The following CDH12 variants were observed in gnomAD, a reference collection of about 807,000 sequenced individuals.
CDH12 encodes the protein cadherin 12.
Under a neutral mutation model 74.1 loss-of-function variants are expected in CDH12, and 41 were observed. That is an observed-to-expected ratio of 0.55 (90% CI 0.43 to 0.72). CDH12 has a LOEUF of 0.72. CDH12 is among the 30% of genes least tolerant of loss of function. The pLI is 0.00. For missense variants in CDH12, 945 were observed against 977.2 expected (o/e 0.97, Z 0.44); for synonymous variants, 399 against 355.0 (o/e 1.12, Z -1.39).
At chr5:21,936,472 G>T (rs559571750) in intron 6 of CDH12, among the ~76,000 whole-genome samples, 19 of 152,066 alleles carry the variant, frequency 1.2e-4, no homozygotes, top group African/African-American at 4.1e-4. Flanking sequence ...TGTGTGACAG[G>T]CATACAAAGA....
chr5:22,673,634 C>T (rs543531041), intron 1 of CDH12, among the ~76,000 whole-genome samples: 9 of 152,048 alleles, frequency 5.9e-5, no homozygotes, highest in Non-Finnish European at 1.3e-4. Context: ...ACTAGTTCTC[C>T]TCATACCACA....
chr5:21,963,532 A>C (rs1441040027), intron 6 of CDH12, among the ~76,000 whole-genome samples: 1 of 151,966 alleles, frequency 6.6e-6, no homozygotes, highest in Non-Finnish European at 1.5e-5. Flanking sequence ...GAGTATGAAA[A>C]ACTTGTACTT....
intron 1 of CDH12, among the ~76,000 whole-genome samples, chr5:22,666,444 TAC>T (rs1561562950): frequency 6.6e-6 from 1 of 151,730 alleles, no homozygotes; most frequent in Admixed American, 6.6e-5. Context: ...CGCCCGCCAC[TAC>T]GCCCGGCTAA....
chr5:21,813,664 G>A (rs1275488333), intron 9 of CDH12, among the ~76,000 whole-genome samples: 1 of 151,982 alleles, frequency 6.6e-6, no homozygotes, highest in Non-Finnish European at 1.5e-5. Flanking sequence ...CAGCCCCACT[G>A]GCCTTCTTGC....
chr5:21,868,299 G>T (rs188972455), intron 6 of CDH12, among the ~76,000 whole-genome samples: 23 of 151,784 alleles, frequency 1.5e-4, no homozygotes, highest in African/African-American at 5.6e-4. Context: ...GCCTTTATCA[G>T]CAGTGTAAAA....
chr5:22,424,082 G>C (rs1743789824), intron 2 of CDH12, among the ~76,000 whole-genome samples: 1 of 148,736 alleles, frequency 6.7e-6, no homozygotes, highest in Non-Finnish European at 1.5e-5. Flanking sequence ...TTATGCTTGA[G>C]GTATCCACGA....
At chr5:22,469,105 T>C (rs1158453801) in intron 2 of CDH12, among the ~76,000 whole-genome samples, 1 of 152,168 alleles carries the variant, frequency 6.6e-6, no homozygotes, top group Non-Finnish European at 1.5e-5. Context: ...GGAAAAATTA[T>C]CATCATCAAG....
chr5:22,463,022 A>AC (rs1745581996), intron 2 of CDH12, among the ~76,000 whole-genome samples: 1 of 152,224 alleles, frequency 6.6e-6, no homozygotes, highest in South Asian at 2.1e-4. Context: ...CAGTAAATGA[A>AC]CAGGCAGAGA....
Position 22,333,522 on chromosome 5 carries a change from C to T in CDH12, c.-333+71735G>A, listed in dbSNP as rs182831435. Among the ~76,000 whole-genome samples, 398 of 152,038 alleles carry T rather than the reference C, an allele frequency of 2.6e-3. 2 individuals are homozygous for T. Among genetic ancestry groups the T allele is most frequent in the African/African-American group, 9.4e-3 (390 of 41,492 alleles). ...TCCCAGAAAAGAAAAGCCCAGGATC[C>T]GATGGCTTCACTGCTAAATTCTACC... On this transcript the variant is annotated intron_variant, in intron 3 of 14. Coordinates refer to ENST00000382254, the MANE Select transcript of CDH12 (RefSeq NM_004061.5).
chr5:22,505,207 G>T (rs1736333765), intron 2 of CDH12, 63 bp downstream of exon 2: 2 of 386,894 alleles, frequency 5.2e-6, no homozygotes, highest in African/African-American at 2.2e-5. Flanking sequence ...AATAGGATTT[G>T]CATTTTCAGG....
At chr5:22,432,199 T>C (rs1230629501) in intron 2 of CDH12, among the ~76,000 whole-genome samples, 1 of 152,140 alleles carries the variant, frequency 6.6e-6, no homozygotes, top group Non-Finnish European at 1.5e-5. Flanking sequence ...ATAAATACCA[T>C]GGTGTTATAC....
intron 3 of CDH12, among the ~76,000 whole-genome samples, chr5:22,337,574 T>C (rs1348129960): frequency 1.3e-5 from 2 of 152,260 alleles, no homozygotes; most frequent in East Asian, 3.9e-4. Flanking sequence ...CCCTGCACAA[T>C]CTCTATTTGC....
intron 3 of CDH12, among the ~76,000 whole-genome samples, chr5:22,289,497 C>A (rs1737289669): frequency 6.6e-6 from 1 of 152,152 alleles, no homozygotes; most frequent in Non-Finnish European, 1.5e-5. Context: ...TGAATATTGT[C>A]TTTGGACAAT....
chr5:22,361,439 C>A (rs1343118151), intron 3 of CDH12, among the ~76,000 whole-genome samples: 7 of 152,112 alleles, frequency 4.6e-5, no homozygotes, highest in African/African-American at 1.4e-4. Flanking sequence ...AGGACACAAA[C>A]AAATGGAAGA....
intron 3 of CDH12, among the ~76,000 whole-genome samples, chr5:22,228,200 TTAC>T (rs1477845194): frequency 6.6e-6 from 1 of 152,088 alleles, no homozygotes; most frequent in Non-Finnish European, 1.5e-5. Flanking sequence ...TACCGATTAT[TTAC>T]TAATATTATT....
chr5:22,768,044 G>A (rs1580980771), intron 1 of CDH12, among the ~76,000 whole-genome samples: 1 of 151,890 alleles, frequency 6.6e-6, no homozygotes, highest in East Asian at 1.9e-4. Context: ...AGGAAAATTT[G>A]ATCATGGTTT....
chr5:22,264,276 C>G (rs1753627207), intron 3 of CDH12, among the ~76,000 whole-genome samples: 1 of 151,900 alleles, frequency 6.6e-6, no homozygotes, highest in South Asian at 2.1e-4. Context: ...GGTAAACACA[C>G]ATACACAAAC....
At chr5:22,497,943 G>A (rs571099709) in intron 2 of CDH12, among the ~76,000 whole-genome samples, 7 of 152,044 alleles carry the variant, frequency 4.6e-5, no homozygotes, top group Admixed American at 2.0e-4. Flanking sequence ...GTGAGCCACC[G>A]TGCCCAGCTG....
intron 3 of CDH12, among the ~76,000 whole-genome samples, chr5:22,381,296 A>G (rs1230507218): frequency 6.6e-6 from 1 of 152,146 alleles, no homozygotes; most frequent in East Asian, 1.9e-4. Flanking sequence ...TATGCCTTTG[A>G]TCTGTAAACG....
Sources: gnomAD v4.1 joint callset for allele counts (sites outside exome capture counted in the v4.1 genomes callset) on GRCh38, gnomAD v4.1.1 for gene constraint, MANE v1.5 for transcripts, NCBI Gene and HGNC (gene_info 2026-07-23, HGNC 2026-07-21) for gene names.